Variants in ASB15 observed in about 807,000 individuals in gnomAD.
ASB15 encodes the protein ankyrin repeat and SOCS box protein 15.
A neutral mutation model predicts 58.0 loss-of-function variants in ASB15; 54 were observed. That is an observed-to-expected ratio of 0.93 (90% CI 0.75 to 1.17). The LOEUF is 1.17. Among genes scored for constraint, ASB15 ranks in the 50% most tolerant of loss-of-function variants. The probability of loss-of-function intolerance (pLI) is 0.00; values close to 1 mark genes in which losing one functional copy is unlikely to be tolerated. For missense variants in ASB15, 680 were observed against 707.4 expected, an observed-to-expected ratio of 0.96 and a Z score of 0.44; for synonymous variants, 249 against 262.4, an observed-to-expected ratio of 0.95 and a Z score of 0.50.
At chr7:123,620,535 TATATATATATATATATATA>T (rs1254041536) in intron 7 of ASB15, among the ~76,000 whole-genome samples, 57 of 21,396 alleles carry the variant, frequency 2.7e-3, no homozygotes, top group East Asian at 6.3e-3. Flanking sequence ...TATATATATA[TATATATATATATATATATA>T]TTTTTTTTTT....
chr7:123,594,297 T>C (rs1168525462), intron 1 of ASB15, among the ~76,000 whole-genome samples: 1 of 152,108 alleles, frequency 6.6e-6, no homozygotes, highest in Non-Finnish European at 1.5e-5. Flanking sequence ...GTCAAACTCA[T>C]TCTCTGTCCA....
Position 123,627,271 on chromosome 7 carries a change from G to T in ASB15, c.859G>T (p.Gly287Trp), listed in dbSNP as rs200834397. 6.2e-7 allele frequency: 1 copy of T among 1,612,226 alleles called. No homozygotes were observed. The highest frequency in any genetic ancestry group is 2.2e-5 in the East Asian group (1 of 44,850). ...HLPIHRAAYE[G>W]HYLALKYLIP... Reference sequence around the variant, plus strand: ...TCCTATACACCGAGCTGCCTATGAGGGGCATTATCTGTGAGTGATAAATTA... The same window carrying T: ...TCCTATACACCGAGCTGCCTATGAGTGGCATTATCTGTGAGTGATAAATTA... The change falls in exon 9 of 12, where the codon GGG (glycine) becomes TGG (tryptophan). Residue 287 changes from glycine (G) to tryptophan (W), a missense_variant. Transcript: ENST00000451215.
chr7:123,624,424 G>C, intron 7 of ASB15, 145 bp from the exon 8 acceptor site: 1 of 725,248 alleles, frequency 1.4e-6, no homozygotes, highest in South Asian at 1.9e-5. Flanking sequence ...GAAACAGAAG[G>C]GATATGAGAA....
chr7:123,618,583 A>T (rs1800980044), intron 7 of ASB15, among the ~76,000 whole-genome samples: 1 of 152,148 alleles, frequency 6.6e-6, no homozygotes, highest in African/African-American at 2.4e-5. Flanking sequence ...AAGAGCCATT[A>T]TGAAGTTGTC....
chr7:123,611,944 G>A (rs542420584), intron 3 of ASB15, among the ~76,000 whole-genome samples: 1 of 151,858 alleles, frequency 6.6e-6, no homozygotes, highest in African/African-American at 2.4e-5. Context: ...AGGAAGCTAG[G>A]GAACTTCCTT....
rs1802500874 is a variant in ASB15, at chr7:123,637,878, T to TAAAAAAAAAAAAAAAC, written c.*912_*913insCAAAAAAAAAAAAAAA. The TAAAAAAAAAAAAAAAC allele has an allele frequency of 1.9e-5, 1 of 52,468 alleles. No homozygotes were observed. Among genetic ancestry groups the TAAAAAAAAAAAAAAAC allele is most frequent in the Non-Finnish European group, 3.7e-5 (1 of 26,694 alleles). 3.3% of individuals were successfully genotyped at this position (52,468 alleles called of 1,614,324 possible). A position where few individuals can be genotyped will look rare whatever the true frequency, so the allele number is the denominator to read the frequency against. ...AAATTCAACATGTCCCCAGATGAAC[T>TAAAAAAAAAAAAAAAC]AAAAAAAAAAAAAAAAAAAAAACCT... On this transcript the variant is annotated 3_prime_UTR_variant, in exon 12 of 12. Coordinates refer to ENST00000451215, the MANE Select transcript of ASB15 (RefSeq NM_001290258.2).
intron 1 of ASB15, among the ~76,000 whole-genome samples, chr7:123,581,980 T>C (rs1799247388): frequency 6.6e-6 from 1 of 152,054 alleles, no homozygotes; most frequent in African/African-American, 2.4e-5. Flanking sequence ...CCATGAATTC[T>C]GGGGCAGAAA....
chr7:123,630,000 A>G lies in ASB15; in HGVS notation c.1475A>G (p.His492Arg). ...TTTATTACAGTTCCTTGGATGAAGC[A>G]CTTGGTAGGCAGAGTTACTCGTGTA... Reference protein sequence around the residue: ...CEFITVPWMKHLVGRVTRVLI... With the variant: ...CEFITVPWMKRLVGRVTRVLI... Residue 492 changes from histidine (H) to arginine (R), a missense_variant, in exon 11 of 12, where the codon CAC (histidine) becomes CGC (arginine). Transcript: ENST00000451215. 4 of 1,600,420 alleles carry G rather than the reference A, an allele frequency of 2.5e-6. No homozygotes were observed. The highest frequency in any genetic ancestry group is 3.4e-6 in the Non-Finnish European group (4 of 1,169,884).
At chr7:123,587,965 A>G (rs1211771346) in intron 1 of ASB15, among the ~76,000 whole-genome samples, 1 of 151,724 alleles carries the variant, frequency 6.6e-6, no homozygotes. Context: ...TTTTGCATCT[A>G]TGTTCATCAG....
chr7:123,604,474 C>T (rs748326347), intron 2 of ASB15, among the ~76,000 whole-genome samples: 1 of 151,384 alleles, frequency 6.6e-6, no homozygotes, highest in Non-Finnish European at 1.5e-5. Context: ...CCCAGCTACT[C>T]GGGAGGCTGG....
intron 2 of ASB15, among the ~76,000 whole-genome samples, chr7:123,605,188 T>C (rs1260210799): frequency 6.6e-6 from 1 of 152,228 alleles, no homozygotes; most frequent in Non-Finnish European, 1.5e-5. Flanking sequence ...TATGCATATA[T>C]ATTTGTATAT....
chr7:123,631,249 A>G (rs2116663535), intron 11 of ASB15, among the ~76,000 whole-genome samples: 1 of 152,350 alleles, frequency 6.6e-6, no homozygotes, highest in South Asian at 2.1e-4. Flanking sequence ...GATGTAAGAT[A>G]GTATTAACCT....
intron 1 of ASB15, among the ~76,000 whole-genome samples, chr7:123,567,510 G>A (rs1301368706): frequency 2.0e-5 from 3 of 152,134 alleles, no homozygotes; most frequent in Admixed American, 1.3e-4. Flanking sequence ...GACTTCCTAC[G>A]CTGCTTCTCA....
intron 4 of ASB15, 78 bp from the exon 5 acceptor site, chr7:123,616,142 CA>C: frequency 1.7e-6 from 2 of 1,173,568 alleles, no homozygotes; most frequent in Non-Finnish European, 2.4e-6. Context: ...TTTAAAAATG[CA>C]ATATAAATTA....
intron 7 of ASB15, chr7:123,621,263 T>C (rs535855676): frequency 6.6e-6 from 1 of 152,322 alleles, no homozygotes; most frequent in Non-Finnish European, 1.5e-5. Flanking sequence ...TATTAGGAAG[T>C]AATATATTTT....
At position 123,604,373 on chromosome 7, in the gene ASB15, G is replaced by A. The variant is rs187484870; in HGVS notation, c.-64+161G>A. Among the ~76,000 whole-genome samples the A allele has an allele frequency of 1.6e-3, 250 of 152,184 alleles. 1 individual carries two copies. The highest frequency in any genetic ancestry group is 5.6e-3 in the African/African-American group (233 of 41,536). ...GATGGGGGAGAATCACCTGAGGTCA[G>A]GAGTTCAAGACCAGCCTGACCAACG... On this transcript the variant is annotated intron_variant, in intron 2 of 11. Coordinates refer to ENST00000451215, the MANE Select transcript of ASB15 (RefSeq NM_001290258.2).
In ASB15 at chr7:123,637,878, T is replaced by TAAAAAAAAAAAAAAAAGAAAAAAA. The variant is rs1802501359; in HGVS notation, c.*913_*914insGAAAAAAAAAAAAAAAAAAAAAAA. The stretch of plus-strand genomic sequence containing the variant: ...AAATTCAACATGTCCCCAGATGAAC[T>TAAAAAAAAAAAAAAAAGAAAAAAA]AAAAAAAAAAAAAAAAAAAAAACCT... On this transcript the variant is annotated 3_prime_UTR_variant, in exon 12 of 12. Transcript: ENST00000451215. 1 of 52,468 alleles carries TAAAAAAAAAAAAAAAAGAAAAAAA rather than the reference T, an allele frequency of 1.9e-5. No homozygotes were observed. The highest frequency in any genetic ancestry group is 6.4e-4 in the East Asian group (1 of 1,554). The allele number at this position is 52,468 out of a possible 1,614,324, so 3.3% of individuals were successfully genotyped here. A position where few individuals can be genotyped will look rare whatever the true frequency, so the allele number is the denominator to read the frequency against.
Position 123,610,221 on chromosome 7 carries a change from C to T in ASB15, c.-3+1567C>T, listed in dbSNP as rs1056177727. ...CTTAAAAGTGAAGGTATTTCCTGCT[C>T]GGTCCAGACTCTACTTATTAGCTCT... On this transcript the variant is annotated intron_variant, in intron 3 of 11. Transcript: ENST00000451215. 5.9e-5 allele frequency among the ~76,000 whole-genome samples: 9 copies of T among 152,264 alleles called. No homozygotes were observed. In the South Asian group the frequency reaches 1.0e-3, roughly 18 times the overall value.
intron 1 of ASB15, among the ~76,000 whole-genome samples, chr7:123,574,057 T>C (rs1798989508): frequency 6.6e-6 from 1 of 152,182 alleles, no homozygotes; most frequent in Admixed American, 6.5e-5. Context: ...CTGTTAAAAG[T>C]GATAGCAGTC....
Sources: allele counts gnomAD v4.1 joint callset (sites outside exome capture counted in the v4.1 genomes callset), GRCh38; gene constraint gnomAD v4.1.1; transcripts MANE v1.5; gene names NCBI Gene and HGNC (gene_info 2026-07-23, HGNC 2026-07-21).